Variants in RNF180 observed in about 807,000 individuals in gnomAD.
RNF180 encodes E3 ubiquitin-protein ligase RNF180.
Under a neutral mutation model 59.2 loss-of-function variants are expected in RNF180, and 38 were observed. That is an observed-to-expected ratio of 0.64 (90% CI 0.50 to 0.84). The LOEUF (loss-of-function observed/expected upper bound fraction) is 0.84, where lower values mean the gene tolerates loss of function less well. RNF180 is among the 40% of genes least tolerant of loss of function. The pLI is 0.00. For missense variants in RNF180, 705 were observed against 700.9 expected (o/e 1.01, Z -0.07); for synonymous variants, 262 against 240.3 (o/e 1.09, Z -0.84).
intron 1 of RNF180, among the ~76,000 whole-genome samples, chr5:64,192,901 A>ATG (rs1417440310): frequency 7.7e-4 from 55 of 71,172 alleles, no homozygotes; most frequent in African/African-American, 2.8e-3. Flanking sequence ...AAAGTGTGGC[A>ATG]TGTATATATA....
chr5:64,174,385 G>A (rs1050739406), intron 1 of RNF180, among the ~76,000 whole-genome samples: 1 of 152,156 alleles, frequency 6.6e-6, no homozygotes, highest in African/African-American at 2.4e-5. Context: ...CCTCCATACT[G>A]TCTTCAATAA....
At chr5:64,366,912 G>A (rs1746475382) in intron 7 of RNF180, among the ~76,000 whole-genome samples, 1 of 151,480 alleles carries the variant, frequency 6.6e-6, no homozygotes, top group African/African-American at 2.4e-5. Context: ...ACTGCAAAAA[G>A]GTTTCCTCCA....
At chr5:64,325,075 C>A in intron 5 of RNF180, 111 bp from the exon 6 acceptor site, 1 of 648,936 alleles carries the variant, frequency 1.5e-6, no homozygotes, top group Non-Finnish European at 2.7e-6. Flanking sequence ...GAATATGCCA[C>A]AGTTTATATG....
At chr5:64,287,057 C>T (rs890927058) in intron 5 of RNF180, among the ~76,000 whole-genome samples, 1 of 152,128 alleles carries the variant, frequency 6.6e-6, no homozygotes, top group South Asian at 2.1e-4. Context: ...ACCTCCACCT[C>T]CCAGCCTCAA....
intron 5 of RNF180, among the ~76,000 whole-genome samples, chr5:64,269,665 A>G (rs575514525): frequency 5.9e-5 from 9 of 152,306 alleles, no homozygotes; most frequent in African/African-American, 2.2e-4. Flanking sequence ...ACATCAGAGT[A>G]AATCACATGG....
intron 5 of RNF180, among the ~76,000 whole-genome samples, chr5:64,256,317 G>A (rs1157476501): frequency 8.6e-5 from 13 of 152,014 alleles, no homozygotes; most frequent in South Asian, 2.1e-4. Flanking sequence ...TTTCTTCTTC[G>A]GTTTTTATGG....
At chr5:64,194,406 G>T (rs1286321050) in intron 1 of RNF180, among the ~76,000 whole-genome samples, 3 of 152,130 alleles carry the variant, frequency 2.0e-5, no homozygotes, top group African/African-American at 7.2e-5. Flanking sequence ...ATCTATCATT[G>T]TTGGACATTT....
chr5:64,190,127 G>T (rs1751067348), intron 1 of RNF180, among the ~76,000 whole-genome samples: 1 of 152,186 alleles, frequency 6.6e-6, no homozygotes, highest in Non-Finnish European at 1.5e-5. Flanking sequence ...CCAGAGCCAA[G>T]GGAGCAGGTC....
At chr5:64,200,387 C>T (rs573494399) in intron 1 of RNF180, among the ~76,000 whole-genome samples, 9 of 152,240 alleles carry the variant, frequency 5.9e-5, no homozygotes, top group African/African-American at 1.7e-4. Context: ...CCCAGGAGTT[C>T]GAGGCTATAG....
chr5:64,219,913 G>A (rs367731290), intron 5 of RNF180, among the ~76,000 whole-genome samples: 56 of 152,278 alleles, frequency 3.7e-4, no homozygotes, highest in African/African-American at 1.3e-3. Context: ...AACTATGAAT[G>A]CAATTTCTTT....
intron 1 of RNF180, among the ~76,000 whole-genome samples, chr5:64,167,678 T>C (rs1749721408): frequency 6.6e-6 from 1 of 152,204 alleles, no homozygotes; most frequent in African/African-American, 2.4e-5. Context: ...TGAATGATAA[T>C]GCTTTTTACT....
At chr5:64,191,582 G>A (rs1437642798) in intron 1 of RNF180, among the ~76,000 whole-genome samples, 1 of 152,172 alleles carries the variant, frequency 6.6e-6, no homozygotes, top group African/African-American at 2.4e-5. Flanking sequence ...GTCAATGCAT[G>A]AAATACAAAC....
chr5:64,178,162 C>G (rs1750360145), intron 1 of RNF180, among the ~76,000 whole-genome samples: 1 of 148,550 alleles, frequency 6.7e-6, no homozygotes, highest in African/African-American at 2.5e-5. Context: ...TGAGATGGCG[C>G]CACTGCACTC....
At chr5:64,279,938 C>T (rs1741923532) in intron 5 of RNF180, among the ~76,000 whole-genome samples, 1 of 152,070 alleles carries the variant, frequency 6.6e-6, no homozygotes, top group South Asian at 2.1e-4. Flanking sequence ...GCTAAAAATA[C>T]AAAAATTAGC....
At chr5:64,220,654 A>G (rs904820725) in intron 5 of RNF180, among the ~76,000 whole-genome samples, 12 of 152,060 alleles carry the variant, frequency 7.9e-5, no homozygotes, top group Non-Finnish European at 1.5e-4. Flanking sequence ...TTTCTAAATA[A>G]TTCTATTTAA....
intron 5 of RNF180, among the ~76,000 whole-genome samples, chr5:64,240,398 G>T (rs1239160445): frequency 6.6e-6 from 1 of 152,096 alleles, no homozygotes; most frequent in Non-Finnish European, 1.5e-5. Flanking sequence ...AAATGAGGAG[G>T]ACATAATATA....
intron 5 of RNF180, among the ~76,000 whole-genome samples, chr5:64,250,198 A>G (rs566969945): frequency 4.9e-4 from 74 of 152,282 alleles, no homozygotes; most frequent in African/African-American, 1.5e-3. Context: ...AAGTTAAACA[A>G]TGTGCTCCTG....
intron 7 of RNF180, among the ~76,000 whole-genome samples, chr5:64,356,324 T>A (rs1159506121): frequency 6.6e-6 from 1 of 151,816 alleles, no homozygotes; most frequent in Non-Finnish European, 1.5e-5. Context: ...CATGGCTACC[T>A]ACAGAATGGA....
chr5:64,261,888 A>G (rs1744363048), intron 5 of RNF180, among the ~76,000 whole-genome samples: 1 of 152,138 alleles, frequency 6.6e-6, no homozygotes, highest in Non-Finnish European at 1.5e-5. Context: ...AGTGGAAAAA[A>G]GTGAAAGCTG....
Sources: gnomAD v4.1 joint callset for allele counts (sites outside exome capture counted in the v4.1 genomes callset) on GRCh38, gnomAD v4.1.1 for gene constraint, MANE v1.5 for transcripts, NCBI Gene and HGNC (gene_info 2026-07-23, HGNC 2026-07-21) for gene names.